Variants in MRPS34 observed in about 807,000 individuals in gnomAD.
MRPS34 encodes the protein small ribosomal subunit protein mS34.
MRPS34 carries 12 observed loss-of-function variants against 13.3 expected under a neutral mutation model. The ratio of observed to expected loss-of-function variants is 0.90; its 90% CI spans 0.58 to 1.46. The LOEUF (loss-of-function observed/expected upper bound fraction) is 1.46. MRPS34 is among the 40% of genes most tolerant of loss of function. The pLI, the probability that MRPS34 is intolerant of heterozygous loss-of-function variation, is 0.00. For missense variants in MRPS34, 419 were observed against 335.3 expected (o/e 1.25, Z -1.95); for synonymous variants, 181 against 149.3 (o/e 1.21, Z -1.55).
At position 1,772,154 on chromosome 16, in the gene MRPS34, G is replaced by C; in HGVS notation, c.*67C>G. On this transcript the variant is annotated 3_prime_UTR_variant, in exon 3 of 3. Coordinates refer to ENST00000397375, the MANE Select transcript of MRPS34 (RefSeq NM_023936.2). ...GCAGACTCGGGTGTAACGCAAAGAC[G>C]GTTTCTTTCATCAATAAGGTCCCCA... is the stretch of plus-strand genomic sequence containing the variant. 6.8e-7 allele frequency: 1 copy of C among 1,479,570 alleles called. No individual in the cohort carries two copies. Among genetic ancestry groups the C allele is most frequent in the Non-Finnish European group, 9.2e-7 (1 of 1,091,988 alleles). 91.7% of individuals were successfully genotyped at this position (1,479,570 alleles called of 1,614,324 possible).
Position 1,772,869 on chromosome 16 carries a change from G to T in MRPS34, c.251C>A (p.Ser84Tyr). Residue 84 changes from serine to tyrosine, a missense_variant, in exon 1 of 3, where the codon TCC becomes TAC. Ser to Tyr is a moderately radical substitution (Grantham distance 144). Transcript: ENST00000397375. ...CGGCTCGTCGTGCTGCCACAGCCAG[G>T]ACTTGCGCGTGACCAGGCGGCCCAG... ...FGLGRLVTRKSWLWQHDEPCY... is the reference protein window; with the variant it reads ...FGLGRLVTRKYWLWQHDEPCY... 6.9e-7 allele frequency: 1 copy of T among 1,453,504 alleles called. No individual in the cohort carries two copies. The highest frequency in any genetic ancestry group is 9.0e-7 in the Non-Finnish European group (1 of 1,110,266). 90.0% of individuals were successfully genotyped at this position (1,453,504 alleles called of 1,614,324 possible). A position where few individuals can be genotyped will look rare whatever the true frequency, so the allele number is the denominator to read the frequency against.
In MRPS34 at chr16:1,772,894, G is replaced by C. The variant is rs1596844143; in HGVS notation, c.226C>G (p.Leu76Val). ...QLLGRLPLFG[L>V]GRLVTRKSWL... Reference sequence around the variant, plus strand: ...GACTTGCGCGTGACCAGGCGGCCCAGGCCGAAGAGCGGGAGGCGGCCGAGC... The same window carrying C: ...GACTTGCGCGTGACCAGGCGGCCCACGCCGAAGAGCGGGAGGCGGCCGAGC... Residue 76 changes from leucine to valine, a missense_variant, in exon 1 of 3, where the codon CTG (leucine) becomes GTG (valine). Leu to Val is a conservative substitution (Grantham distance 32, BLOSUM62 1). Coordinates refer to ENST00000397375, the MANE Select transcript of MRPS34 (RefSeq NM_023936.2). 2.1e-6 allele frequency: 3 copies of C among 1,453,660 alleles called. No individual in the cohort carries two copies. In the East Asian group the frequency reaches 7.9e-5, roughly 38 times the overall value. 90.0% of individuals were successfully genotyped at this position (1,453,660 alleles called of 1,614,324 possible).
chr16:1,772,504 TCA>T lies in MRPS34; in HGVS notation c.372_373del (p.Ser126ArgfsTer12). 6.2e-7 allele frequency: 1 copy of T among 1,611,284 alleles called. No homozygotes were observed. The highest frequency in any genetic ancestry group is 8.5e-7 in the Non-Finnish European group (1 of 1,178,802). On this transcript the variant is annotated frameshift_variant, in exon 3 of 3. Transcript: ENST00000397375. LOFTEE classifies it low-confidence loss of function (END_TRUNC). ...GTGTTCGATCTCCCGCGCCTCGCTC[TCA>T]GTCTTCCCTGATGAAGAAAAAGAGG...
rs764597939 is a variant in MRPS34 at position 1,772,278 on chromosome 16, G to A, written c.600C>T (p.Pro200=). Residue 200 remains proline (P), a synonymous_variant, in exon 3 of 3, where the codon CCC becomes CCT. Transcript: ENST00000397375. ...MLNVQRIRME[P]WDYPAKQEDK... ...CTTCCTGTTTTGCAGGGTAATCCCAGGGTTCCATGCGTATCCTCTGCACAT... is the reference window on the plus strand; with the variant it reads ...CTTCCTGTTTTGCAGGGTAATCCCAAGGTTCCATGCGTATCCTCTGCACAT... 4 of 1,612,618 alleles carry A rather than the reference G, an allele frequency of 2.5e-6. No homozygotes were observed. The highest frequency in any genetic ancestry group is 3.4e-6 in the Non-Finnish European group (4 of 1,179,890).
chr16:1,772,807 T>C lies in MRPS34; in HGVS notation c.313A>G (p.Thr105Ala). 1 of 1,292,988 alleles carries C rather than the reference T, an allele frequency of 7.7e-7. No individual in the cohort carries two copies. The highest frequency in any genetic ancestry group is 9.9e-7 in the Non-Finnish European group (1 of 1,014,030). The allele number at this position is 1,292,988 out of a possible 1,614,324, so 80.1% of individuals were successfully genotyped here. Residue 105 changes from threonine (T) to alanine (A), a missense_variant, in exon 1 of 3, where the codon ACG (threonine) becomes GCG (alanine). Coordinates refer to ENST00000397375, the MANE Select transcript of MRPS34 (RefSeq NM_023936.2). ...GGACGGGGTGCACGCACCTGCGCCG[T>C]GTAGTCGGGCCGCACCCGCGTGAGG... is the stretch of plus-strand genomic sequence containing the variant. ...WRLTRVRPDY[T>A]AQNLDHGKAW...
rs1258018846 is a variant in MRPS34 at position 1,773,068 on chromosome 16, C to A, written c.52G>T (p.Val18Leu). The A allele has an allele frequency of 1.4e-6, 2 of 1,415,762 alleles. No homozygotes were observed. The highest frequency in any genetic ancestry group is 2.8e-5 in the East Asian group (1 of 35,142). 87.7% of individuals were successfully genotyped at this position (1,415,762 alleles called of 1,614,324 possible). A position where few individuals can be genotyped will look rare whatever the true frequency, so the allele number is the denominator to read the frequency against. Residue 18 changes from valine to leucine, a missense_variant, in exon 1 of 3, where the codon GTG (valine) becomes TTG (leucine). Physicochemically the swap from Val to Leu is conservative, Grantham distance 32. Transcript: ENST00000397375. ...PRLIAELARR[V>L]RALREQLNRP... ...TTCAGTTGCTCCCGCAGGGCGCGCACGCGGCGGGCCAGCTCCGCGATCAGC... is the reference window on the plus strand; with the variant it reads ...TTCAGTTGCTCCCGCAGGGCGCGCAAGCGGCGGGCCAGCTCCGCGATCAGC...
intron 2 of MRPS34, 41 bp downstream of exon 2, chr16:1,772,563 T>TCGGCATCGAACTGCCGGG: frequency 6.2e-7 from 1 of 1,612,418 alleles, no homozygotes; most frequent in Non-Finnish European, 8.5e-7. Flanking sequence ...CCGTCGGCGG[T>TCGGCATCGAACTGCCGGG]CGGCATCGAA....
Position 1,772,443 on chromosome 16 carries a change from G to C in MRPS34, c.435C>G (p.His145Gln). The C allele has an allele frequency of 6.2e-7, 1 of 1,611,872 alleles. No individual in the cohort carries two copies. The highest frequency in any genetic ancestry group is 8.5e-7 in the Non-Finnish European group (1 of 1,179,858). ...TGAACGCGGTGAAGGCCTCCTCCTC[G>C]TGCTTGGGCACCAGCCGCCAGTCAT... is the stretch of plus-strand genomic sequence containing the variant. ...MYHDWRLVPK[H>Q]EEEAFTAFTP... is the part of the protein sequence containing the mutation. Residue 145 changes from histidine (H) to glutamine (Q), a missense_variant, in exon 3 of 3, where the codon CAC (histidine) becomes CAG (glutamine). Physicochemically the swap from His to Gln is conservative, Grantham distance 24. Transcript: ENST00000397375.
rs1420891592 is a variant in MRPS34, at chr16:1,772,230, G to A, written c.648C>T (p.Thr216=). 4 of 1,604,696 alleles carry A rather than the reference G, an allele frequency of 2.5e-6. No individual in the cohort carries two copies. The highest frequency in any genetic ancestry group is 1.3e-5 in the African/African-American group (1 of 74,950). Residue 216 remains threonine, a synonymous_variant, in exon 3 of 3, where the codon ACC becomes ACT. Transcript: ENST00000397375. ...KQEDKGRAKG[T]PV ...CGCTGGTTCTGGCATTCTAGACGGG[G>A]GTGCCCTTGGCCCTTCCTTTGTCTT...
At position 1,772,930 on chromosome 16, in the gene MRPS34, G is replaced by A. The variant is rs1273437490; in HGVS notation, c.190C>T (p.Leu64Phe). Residue 64 changes from leucine (L) to phenylalanine (F), a missense_variant, in exon 1 of 3, where the codon CTC becomes TTC. Transcript: ENST00000397375. ...GGGAGGCGGCCGAGCAGCTGCAAGA[G>A]GCGGCTCTCGCGGCGCACGTCGGCC... ...AWADVRRESR[L>F]LQLLGRLPLF... 2.8e-6 allele frequency: 4 copies of A among 1,448,024 alleles called. No homozygotes were observed. Among genetic ancestry groups the A allele is most frequent in the African/African-American group, 3.0e-5 (2 of 67,106 alleles). The allele number at this position is 1,448,024 out of a possible 1,614,324, so 89.7% of individuals were successfully genotyped here.
chr16:1,772,514 CTGA>C lies in MRPS34; in HGVS notation c.365-4_365-2del. ...TCCCGCGCCTCGCTCTCAGTCTTCC[CTGA>C]TGAAGAAAAAGAGGCGTCTGCACAC... On this transcript the variant is annotated splice_acceptor_variant and splice_polypyrimidine_tract_variant and intron_variant, in intron 2 of 2. Coordinates refer to ENST00000397375, the MANE Select transcript of MRPS34 (RefSeq NM_023936.2). LOFTEE classifies it high-confidence loss of function. 2 of 1,611,072 alleles carry C rather than the reference CTGA, an allele frequency of 1.2e-6. No individual in the cohort carries two copies.
Position 1,772,452 on chromosome 16 carries a change from C to A in MRPS34, c.426G>T (p.Val142=). ...EHVMYHDWRL[V]PKHEEEAFTA... Reference sequence around the variant, plus strand: ...TGAAGGCCTCCTCCTCGTGCTTGGGCACCAGCCGCCAGTCATGGTACATGA... The same window carrying A: ...TGAAGGCCTCCTCCTCGTGCTTGGGAACCAGCCGCCAGTCATGGTACATGA... Residue 142 remains valine, a synonymous_variant, in exon 3 of 3, where the codon GTG becomes GTT. Coordinates refer to ENST00000397375, the MANE Select transcript of MRPS34 (RefSeq NM_023936.2). The A allele has an allele frequency of 6.2e-7, 1 of 1,612,104 alleles. No individual in the cohort carries two copies. The highest frequency in any genetic ancestry group is 8.5e-7 in the Non-Finnish European group (1 of 1,179,978).
chr16:1,773,036 C>T lies in MRPS34; in HGVS notation c.84G>A (p.Pro28=). 1 of 1,436,948 alleles carries T rather than the reference C, an allele frequency of 7.0e-7. No individual in the cohort carries two copies. Among genetic ancestry groups the T allele is most frequent in the Non-Finnish European group, 9.1e-7 (1 of 1,096,512 alleles). 89.0% of individuals were successfully genotyped at this position (1,436,948 alleles called of 1,614,324 possible). The change falls in exon 1 of 3, where the codon CCG becomes CCA. Residue 28 remains proline, a synonymous_variant. Coordinates refer to ENST00000397375, the MANE Select transcript of MRPS34 (RefSeq NM_023936.2). The part of the protein sequence containing the change: ...VRALREQLNR[P]RDSQLYAVDY... ...CCACCGCGTAGAGCTGGGAGTCGCG[C>T]GGCCTGTTCAGTTGCTCCCGCAGGG... is the stretch of plus-strand genomic sequence containing the variant.
At chr16:1,772,713 G>A in intron 1 of MRPS34, 67 bp from the exon 2 acceptor site, 2 of 1,570,722 alleles carry the variant, frequency 1.3e-6, no homozygotes, top group Non-Finnish European at 1.7e-6. Context: ...GGAGGTGGGA[G>A]CCTCAGCCAC....
At position 1,772,633 on chromosome 16, in the gene MRPS34, C is replaced by G. The variant is rs1367777397; in HGVS notation, c.335G>C (p.Gly112Ala). 2 of 1,608,912 alleles carry G rather than the reference C, an allele frequency of 1.2e-6. No homozygotes were observed. Among genetic ancestry groups the G allele is most frequent in the South Asian group, 2.2e-5 (2 of 91,072 alleles). Reference sequence around the variant, plus strand: ...GAAGGTCAGGATGCCCCAGGCCTTCCCGTGGTCCAAGTTCTGCAAAGCCAG... The same window carrying G: ...GAAGGTCAGGATGCCCCAGGCCTTCGCGTGGTCCAAGTTCTGCAAAGCCAG... ...PDYTAQNLDH[G>A]KAWGILTFKG... The change falls in exon 2 of 3, where the codon GGG becomes GCG. Residue 112 changes from glycine (G) to alanine (A), a missense_variant. Physicochemically the swap from Gly to Ala is moderately conservative, Grantham distance 60. Coordinates refer to ENST00000397375, the MANE Select transcript of MRPS34 (RefSeq NM_023936.2).
Position 1,772,330 on chromosome 16 carries a change from T to C in MRPS34, c.548A>G (p.Asp183Gly). The change falls in exon 3 of 3, where the codon GAC (aspartate) becomes GGC (glycine). Residue 183 changes from aspartate (D) to glycine (G), a missense_variant. Asp to Gly is a moderately conservative substitution (Grantham distance 94). Coordinates refer to ENST00000397375, the MANE Select transcript of MRPS34 (RefSeq NM_023936.2). ...MIIAERQKNG[D>G]TSTEEPMLNV... ...CAGCATGGGCTCCTCGGTGCTTGTG[T>C]CTCCATTTTTCTGTCGTTCTGCGAT... 3 of 1,613,016 alleles carry C rather than the reference T, an allele frequency of 1.9e-6. No homozygotes were observed. Among genetic ancestry groups the C allele is most frequent in the Non-Finnish European group, 2.5e-6 (3 of 1,180,000 alleles).
rs560481066 is a variant in MRPS34, at chr16:1,772,151, G to A, written c.*70C>T. On this transcript the variant is annotated 3_prime_UTR_variant, in exon 3 of 3. Coordinates refer to ENST00000397375, the MANE Select transcript of MRPS34 (RefSeq NM_023936.2). ...GAGGCAGACTCGGGTGTAACGCAAA[G>A]ACGGTTTCTTTCATCAATAAGGTCC... is the stretch of plus-strand genomic sequence containing the variant. 143 of 1,472,424 alleles carry A rather than the reference G, an allele frequency of 9.7e-5. No homozygotes were observed. In the African/African-American group the frequency reaches 1.6e-3, roughly 16 times the overall value. The allele number at this position is 1,472,424 out of a possible 1,614,324, so 91.2% of individuals were successfully genotyped here. A position where few individuals can be genotyped will look rare whatever the true frequency, so the allele number is the denominator to read the frequency against.
At position 1,772,827 on chromosome 16, in the gene MRPS34, G is replaced by T. The variant is rs977924736; in HGVS notation, c.293C>A (p.Thr98Lys). ...QHDEPCYWRL[T>K]RVRPDYTAQN... ...CGCCGTGTAGTCGGGCCGCACCCGC[G>T]TGAGGCGCCAGTAGCACGGCTCGTC... Residue 98 changes from threonine to lysine, a missense_variant, in exon 1 of 3, where the codon ACG (threonine) becomes AAG (lysine). By Grantham distance (78) the Thr-to-Lys change is moderately conservative. Transcript: ENST00000397375. 1.9e-5 allele frequency: 27 copies of T among 1,444,870 alleles called. No individual in the cohort carries two copies. The highest frequency in any genetic ancestry group is 2.9e-5 in the African/African-American group (2 of 70,076). 89.5% of individuals were successfully genotyped at this position (1,444,870 alleles called of 1,614,324 possible).
chr16:1,773,111 C>G lies in MRPS34; in HGVS notation c.9G>C (p.Arg3=), dbSNP rs771344174. The G allele has an allele frequency of 2.1e-6, 3 of 1,397,388 alleles. No individual in the cohort carries two copies. Among genetic ancestry groups the G allele is most frequent in the Non-Finnish European group, 2.8e-6 (3 of 1,081,180 alleles). The allele number at this position is 1,397,388 out of a possible 1,614,324, so 86.6% of individuals were successfully genotyped here. A position where few individuals can be genotyped will look rare whatever the true frequency, so the allele number is the denominator to read the frequency against. MA[R]KKVRPRLIAE... ...CGATCAGCCGCGGACGCACCTTCTT[C>G]CGCGCCATGGCGGGTCCGCGTCCTC... The change falls in exon 1 of 3, where the codon CGG becomes CGC. Residue 3 remains arginine, a synonymous_variant. Transcript: ENST00000397375.
Sources: gnomAD v4.1 joint callset for allele counts on GRCh38, gnomAD v4.1.1 for gene constraint, MANE v1.5 for transcripts, NCBI Gene and HGNC (gene_info 2026-07-23, HGNC 2026-07-21) for gene names.